PSMD13: variants seen among roughly 807,000 people sequenced by gnomAD.
PSMD13 encodes the protein proteasome 26S subunit, non-ATPase 13.
A neutral mutation model predicts 57.4 loss-of-function variants in PSMD13; 8 were observed. That is an observed-to-expected ratio of 0.14 (90% CI 0.08 to 0.25). The LOEUF is 0.25. PSMD13 is among the 10% of genes least tolerant of loss of function. PSMD13 has a pLI of 1.00. For synonymous variants in PSMD13, 193 were observed against 168.2 expected (o/e 1.15, Z -1.14); for missense variants, 400 against 461.5 (o/e 0.87, Z 1.22).
chr11:248,683 T>C (rs1859704611), intron 7 of PSMD13, 93 bp from the exon 8 acceptor site: 1 of 1,222,356 alleles, frequency 8.2e-7, no homozygotes, highest in Non-Finnish European at 1.2e-6. Context: ...TTACAAACAA[T>C]GTTTTTTTAC....
At chr11:245,649 T>TGTGC (rs1859623363) in intron 6 of PSMD13, among the ~76,000 whole-genome samples, 2 of 131,302 alleles carry the variant, frequency 1.5e-5, no homozygotes, top group African/African-American at 3.1e-5. Flanking sequence ...AACGTGTGTG[T>TGTGC]GTGTGTGTGT....
intron 9 of PSMD13, 44 bp from the exon 10 acceptor site, chr11:250,759 G>A: frequency 7.6e-6 from 12 of 1,578,074 alleles, no homozygotes; most frequent in Non-Finnish European, 1.0e-5. Context: ...TAACTGATAA[G>A]CACAAACATG....
At chr11:247,209 C>T (rs1030739064) in intron 6 of PSMD13, 68 bp from the exon 7 acceptor site, 64 of 1,474,944 alleles carry the variant, frequency 4.3e-5, no homozygotes, top group Non-Finnish European at 5.5e-5. Context: ...AGAGTGAGAC[C>T]CTGTCTCTAA....
At chr11:245,246 C>G (rs888431578) in intron 6 of PSMD13, among the ~76,000 whole-genome samples, 3 of 152,160 alleles carry the variant, frequency 2.0e-5, no homozygotes, top group African/African-American at 7.2e-5. Flanking sequence ...CCCAGCCCCC[C>G]CGATTGCTAA....
rs908059072 is a variant in PSMD13, at chr11:249,100, T to C, written c.774+43T>C. ...CCCAGCCCTTATTCCCCCATGTATCTACTCGCTCATACAACAGATGTTCAT... is the reference window on the plus strand; with the variant it reads ...CCCAGCCCTTATTCCCCCATGTATCCACTCGCTCATACAACAGATGTTCAT... On this transcript the variant is annotated intron_variant, in intron 9 of 12. Coordinates refer to ENST00000532097, the MANE Select transcript of PSMD13 (RefSeq NM_002817.4). The C allele has an allele frequency of 2.5e-6, 4 of 1,602,230 alleles. No homozygotes were observed. In the African/African-American group the frequency reaches 5.3e-5, roughly 21 times the overall value.
At chr11:243,149 G>A (rs1859553592) in intron 2 of PSMD13, 2 of 616,554 alleles carry the variant, frequency 3.2e-6, no homozygotes, top group African/African-American at 1.8e-5. Context: ...GAAGACTTTG[G>A]TCACCACCTC....
rs201079782 is a variant in PSMD13 at position 247,483 on chromosome 11, G to A, written c.568+35G>A. 182 of 1,595,910 alleles carry A rather than the reference G, an allele frequency of 1.1e-4. 1 individual carries two copies. In the African/African-American group the frequency reaches 2.2e-3, roughly 19 times the overall value. ...GCCATTAAATCCATGTCACACAGGA[G>A]CATATTCTCCAAACTTAGCATCTGT... On this transcript the variant is annotated intron_variant, in intron 7 of 12. Transcript: ENST00000532097.
chr11:250,098 G>T (rs1393328218), intron 9 of PSMD13, among the ~76,000 whole-genome samples: 1 of 152,168 alleles, frequency 6.6e-6, no homozygotes, highest in East Asian at 1.9e-4. Flanking sequence ...AGCCTGTCTG[G>T]AGGGGTAGTG....
rs1485863381 is a variant in PSMD13 at position 237,016 on chromosome 11, G to A, written c.-34G>A. 6.4e-7 allele frequency: 1 copy of A among 1,560,022 alleles called. No homozygotes were observed. Among genetic ancestry groups the A allele is most frequent in the Non-Finnish European group, 8.8e-7 (1 of 1,131,878 alleles). On this transcript the variant is annotated 5_prime_UTR_variant, in exon 1 of 13. Transcript: ENST00000532097. ...CCATCCCCGCGGTGCTGACATCCCG[G>A]TTGTTCTTCTGTGCCGGGGGTCTTC...
Position 251,946 on chromosome 11 carries a change from T to C in PSMD13, c.1035+10T>C. On this transcript the variant is annotated intron_variant, in intron 12 of 12. Transcript: ENST00000532097. This position sits in a 1 kb window ranked among gnomAD's most constrained non-coding sequence, Gnocchi z 4.6. ...GTTGGATTTGCAACAGGTGATGTGT[T>C]TGAAACCCATTATTCACCTCTGTGG... 6.2e-7 allele frequency: 1 copy of C among 1,608,034 alleles called. No homozygotes were observed. Among genetic ancestry groups the C allele is most frequent in the Non-Finnish European group, 8.5e-7 (1 of 1,174,776 alleles).
chr11:244,041 C>G lies in PSMD13; in HGVS notation c.175C>G (p.Leu59Val), dbSNP rs748210556. 1 of 1,607,662 alleles carries G rather than the reference C, an allele frequency of 6.2e-7. No individual in the cohort carries two copies. Among genetic ancestry groups the G allele is most frequent in the South Asian group, 1.1e-5 (1 of 90,180 alleles). Residue 59 changes from leucine (L) to valine (V), a missense_variant and splice_region_variant, in exon 3 of 13, where the codon CTT (leucine) becomes GTT (valine). Transcript: ENST00000532097. ...CFAQGDGLIK[L>V]YENFISEFEH... is the part of the protein sequence containing the mutation. Reference sequence around the variant, plus strand: ...TTCTCTCCATGTTTTGGTTTCACAGCTTTATGAAAACTTTATCAGTGAATT... The same window carrying G: ...TTCTCTCCATGTTTTGGTTTCACAGGTTTATGAAAACTTTATCAGTGAATT...
At chr11:237,224 T>G (rs1859291712) in intron 1 of PSMD13, 80 bp downstream of exon 1, 2 of 1,374,224 alleles carry the variant, frequency 1.5e-6, no homozygotes, top group Non-Finnish European at 2.0e-6. Flanking sequence ...AGCGGACCCT[T>G]GATGGGCTGA....
chr11:242,113 C>T (rs1409680118), intron 2 of PSMD13, among the ~76,000 whole-genome samples: 1 of 147,466 alleles, frequency 6.8e-6, no homozygotes, highest in Non-Finnish European at 1.5e-5. Context: ...CTCCCTTTGG[C>T]TGATGCACTT....
chr11:251,850 G>A lies in PSMD13; in HGVS notation c.949G>A (p.Val317Met). ...VELLVMKALS[V>M]GLVKGSIDEV... ...GCTTCTGGTGATGAAGGCCCTTTCG[G>A]TGGGGCTGGTGAAAGGCAGTATAGA... Residue 317 changes from valine (V) to methionine (M), a missense_variant, in exon 12 of 13, where the codon GTG becomes ATG. Transcript: ENST00000532097. This position sits in a 1 kb window ranked among gnomAD's most constrained non-coding sequence, Gnocchi z 4.6. 1 of 1,614,188 alleles carries A rather than the reference G, an allele frequency of 6.2e-7. No individual in the cohort carries two copies. Among genetic ancestry groups the A allele is most frequent in the Non-Finnish European group, 8.5e-7 (1 of 1,180,016 alleles).
At chr11:245,814 G>A (rs559672235) in intron 6 of PSMD13, among the ~76,000 whole-genome samples, 2 of 152,114 alleles carry the variant, frequency 1.3e-5, no homozygotes, top group Non-Finnish European at 2.9e-5. Context: ...GCCCTGAAAA[G>A]ATACTTTTTA....
chr11:245,447 G>A (rs1353228031), intron 6 of PSMD13, among the ~76,000 whole-genome samples: 1 of 152,188 alleles, frequency 6.6e-6, no homozygotes, highest in Non-Finnish European at 1.5e-5. Context: ...CCTGACCAAG[G>A]TCAGCCTACA....
chr11:240,101 C>CCTTTTT (rs1859481826), intron 2 of PSMD13, among the ~76,000 whole-genome samples: 2 of 51,412 alleles, frequency 3.9e-5, no homozygotes, highest in African/African-American at 7.4e-5. Context: ...ATGAGACCTG[C>CCTTTTT]TTTTTTTTTT....
chr11:249,178 A>T (rs1183891294), intron 9 of PSMD13, 121 bp downstream of exon 9: 2 of 1,382,774 alleles, frequency 1.4e-6, no homozygotes, highest in African/African-American at 2.8e-5. Context: ...GGAGACCAAG[A>T]TAGGCTAGTC....
At position 244,142 on chromosome 11, in the gene PSMD13, C is replaced by T; in HGVS notation, c.210-19C>T. On this transcript the variant is annotated intron_variant, in intron 3 of 12. Transcript: ENST00000532097. ...ATTGATGCTCGGCGGTGCTCAAAGG[C>T]TGGTGGCTTTTATTTCAGGGTGAAC... 1 of 1,607,494 alleles carries T rather than the reference C, an allele frequency of 6.2e-7. No individual in the cohort carries two copies. The highest frequency in any genetic ancestry group is 8.5e-7 in the Non-Finnish European group (1 of 1,174,790).
Sources: allele counts gnomAD v4.1 joint callset (sites outside exome capture counted in the v4.1 genomes callset), GRCh38; gene constraint gnomAD v4.1.1; non-coding constraint Gnocchi (gnomAD v3.1); transcripts MANE v1.5; gene names NCBI Gene and HGNC (gene_info 2026-07-23, HGNC 2026-07-21).